Variants in PRDM4 observed in about 807,000 individuals in gnomAD.
The protein encoded by PRDM4 is PR domain zinc finger protein 4.
A neutral mutation model predicts 62.3 loss-of-function variants in PRDM4; 38 were observed. The observed-to-expected ratio is 0.61, with a 90% CI of 0.47 to 0.80. PRDM4 has a LOEUF of 0.80. Ranked by LOEUF, PRDM4 falls within the 30% of genes least tolerant of loss-of-function variation. The probability of loss-of-function intolerance (pLI) is 0.00; values close to 1 mark genes in which losing one functional copy is unlikely to be tolerated. For synonymous variants in PRDM4, 339 were observed against 348.2 expected (o/e 0.97, Z 0.30); for missense variants, 858 against 997.1 (o/e 0.86, Z 1.88).
chr12:107,754,463 A>G (rs1346996019), intron 3 of PRDM4, among the ~76,000 whole-genome samples: 2 of 152,090 alleles, frequency 1.3e-5, no homozygotes, highest in East Asian at 1.9e-4. Context: ...GCTCACTGCA[A>G]TCTCGGCCTC....
At chr12:107,734,799 A>T (rs1890275064) in intron 11 of PRDM4, among the ~76,000 whole-genome samples, 1 of 152,168 alleles carries the variant, frequency 6.6e-6, no homozygotes, top group Admixed American at 6.5e-5. Context: ...TATGATGCTC[A>T]TAAAATTCAT....
intron 7 of PRDM4, 80 bp downstream of exon 7, chr12:107,744,463 T>C (rs1890623834): frequency 2.0e-6 from 3 of 1,515,318 alleles, no homozygotes; most frequent in Non-Finnish European, 2.7e-6. Flanking sequence ...CTGGCTGATT[T>C]TGACTTTATC....
rs985733397 is a variant in PRDM4, at chr12:107,739,466, C to T, written c.2010G>A (p.Gly670=). The change falls in exon 11 of 12, where the codon GGG becomes GGA. Residue 670 remains glycine, a synonymous_variant. Coordinates refer to ENST00000228437, the MANE Select transcript of PRDM4 (RefSeq NM_012406.4). Reference sequence around the variant, plus strand: ...AGTAATCACACTTAAGATTCTTCTCCCCAGTGTGGATAACCATGTGGGACT... The same window carrying T: ...AGTAATCACACTTAAGATTCTTCTCTCCAGTGTGGATAACCATGTGGGACT... The part of the protein sequence containing the change: ...HLESHMVIHT[G]EKNLKCDYCD... The T allele has an allele frequency of 1.9e-6, 3 of 1,613,938 alleles. No homozygotes were observed. Among genetic ancestry groups the T allele is most frequent in the African/African-American group, 1.3e-5 (1 of 75,042 alleles).
intron 7 of PRDM4, among the ~76,000 whole-genome samples, chr12:107,743,668 G>A (rs1383125154): frequency 6.6e-6 from 1 of 152,088 alleles, no homozygotes; most frequent in Non-Finnish European, 1.5e-5. Context: ...TCCCACTTGG[G>A]CCTAGCATTC....
chr12:107,737,184 G>A (rs1566091433), intron 11 of PRDM4, among the ~76,000 whole-genome samples: 1 of 151,988 alleles, frequency 6.6e-6, no homozygotes, highest in African/African-American at 2.4e-5. Flanking sequence ...ACTCTCGGGG[G>A]ACACTAGGGG....
At chr12:107,756,680 T>A (rs918387756) in intron 3 of PRDM4, 152 bp downstream of exon 3, 3 of 898,472 alleles carry the variant, frequency 3.3e-6, no homozygotes, top group Non-Finnish European at 4.8e-6. Flanking sequence ...TTATTTTCCA[T>A]TACCTATCAC....
In PRDM4 at chr12:107,738,477, G is replaced by A. The variant is rs369048842; in HGVS notation, c.2093+906C>T. The A allele has an allele frequency of 9.9e-5, 15 of 152,248 alleles. No homozygotes were observed. In the East Asian group the frequency reaches 1.7e-3, roughly 18 times the overall value. The allele number at this position is 152,248 out of a possible 1,614,324, so 9.4% of individuals were successfully genotyped here. ...CCAAATTCTACATTAAGAATATAAC[G>A]TTTTCAGTGAAGGTAAGATTTCTAA... is the stretch of plus-strand genomic sequence containing the variant. On this transcript the variant is annotated intron_variant, in intron 11 of 11. Transcript: ENST00000228437.
chr12:107,748,749 CAGT>C (rs952511787), intron 5 of PRDM4, among the ~76,000 whole-genome samples: 26 of 152,262 alleles, frequency 1.7e-4, no homozygotes, highest in Admixed American at 1.1e-3. Context: ...TGGAAGGAGA[CAGT>C]GGTGGTGGTT....
In PRDM4 at chr12:107,760,625, C is replaced by T; in HGVS notation, c.-110G>A. On this transcript the variant is annotated 5_prime_UTR_variant, in exon 2 of 12. The change creates a new upstream start codon in the 5' untranslated region. Transcript: ENST00000228437. ...CCACATCTTGCTCACAACCGCTGCA[C>T]CGACGCGGCCACTCGTCCCCGGGGT... 7.2e-7 allele frequency: 1 copy of T among 1,380,646 alleles called. No individual in the cohort carries two copies. Among genetic ancestry groups the T allele is most frequent in the East Asian group, 2.6e-5 (1 of 38,124 alleles). 85.5% of individuals were successfully genotyped at this position (1,380,646 alleles called of 1,614,324 possible).
chr12:107,734,186 C>G lies in PRDM4; in HGVS notation c.*24G>C. On this transcript the variant is annotated 3_prime_UTR_variant, in exon 12 of 12. Transcript: ENST00000228437. The stretch of plus-strand genomic sequence containing the variant: ...GTATTTTTCCATTTGCATTTTCATC[C>G]AAAATTGCTTGTTTCTTTTCCTTTT... The G allele has an allele frequency of 1.3e-6, 2 of 1,559,916 alleles. No homozygotes were observed. Among genetic ancestry groups the G allele is most frequent in the Admixed American group, 4.1e-5 (2 of 48,584 alleles).
chr12:107,734,582 A>G, intron 11 of PRDM4, 60 bp from the exon 12 acceptor site: 2 of 1,494,784 alleles, frequency 1.3e-6, no homozygotes, highest in Non-Finnish European at 1.8e-6. Flanking sequence ...CTGAGGCAAC[A>G]CTTATTCTTC....
chr12:107,751,412 C>T lies in PRDM4; in HGVS notation c.1126+3G>A, dbSNP rs776772336. ...CCAAAAAAGAAAGGCTAAACACACT[C>T]ACAAATTGTAAACAAGGTTGCCATG... On this transcript the variant is annotated splice_donor_region_variant and intron_variant, in intron 5 of 11. Coordinates refer to ENST00000228437, the MANE Select transcript of PRDM4 (RefSeq NM_012406.4). 2 of 1,600,634 alleles carry T rather than the reference C, an allele frequency of 1.2e-6. No individual in the cohort carries two copies. The highest frequency in any genetic ancestry group is 1.7e-6 in the Non-Finnish European group (2 of 1,168,788).
Position 107,756,906 on chromosome 12 carries a change from C to T in PRDM4, c.71G>A (p.Ser24Asn). 1.9e-6 allele frequency: 3 copies of T among 1,614,178 alleles called. No homozygotes were observed. Among genetic ancestry groups the T allele is most frequent in the Non-Finnish European group, 2.5e-6 (3 of 1,180,032 alleles). Residue 24 changes from serine to asparagine, a missense_variant, in exon 3 of 12, where the codon AGC becomes AAC. Ser to Asn is a conservative substitution (Grantham distance 46). This residue lies in a region of PRDM4 where 499 missense variants were observed against 546.7 expected (regional missense o/e 0.91). Coordinates refer to ENST00000228437, the MANE Select transcript of PRDM4 (RefSeq NM_012406.4). ...GMEQLTSSSVSNALPVSGSHL... is the reference protein window; with the variant it reads ...GMEQLTSSSVNNALPVSGSHL... Reference sequence around the variant, plus strand: ...ACTTCCTGAGACTGGCAAGGCATTGCTCACAGAGGATGAAGTCAGCTGCTC... The same window carrying T: ...ACTTCCTGAGACTGGCAAGGCATTGTTCACAGAGGATGAAGTCAGCTGCTC...
intron 4 of PRDM4, 33 bp from the exon 5 acceptor site, chr12:107,752,242 T>C (rs747492349): frequency 4.3e-5 from 62 of 1,458,234 alleles, no homozygotes; most frequent in Non-Finnish European, 5.8e-5. Flanking sequence ...TATCAGAGAC[T>C]TTTAGTACAT....
chr12:107,745,333 G>A (rs998943082), intron 6 of PRDM4, among the ~76,000 whole-genome samples: 1 of 152,148 alleles, frequency 6.6e-6, no homozygotes, highest in African/African-American at 2.4e-5. Context: ...GGGAGGCCAA[G>A]GCAGGACTGC....
chr12:107,759,715 C>T (rs909308425), intron 2 of PRDM4: 4 of 152,208 alleles, frequency 2.6e-5, no homozygotes, highest in Non-Finnish European at 5.9e-5. Context: ...ATATGATCCT[C>T]ATAAGACTTT....
chr12:107,743,051 G>T, intron 8 of PRDM4, 146 bp downstream of exon 8: 1 of 658,918 alleles, frequency 1.5e-6, no homozygotes, highest in African/African-American at 1.8e-5. Flanking sequence ...AAAGGTGTGA[G>T]CCACCATGCC....
intron 4 of PRDM4, 118 bp downstream of exon 4, chr12:107,753,806 A>G: frequency 6.4e-6 from 6 of 937,770 alleles, no homozygotes; most frequent in Non-Finnish European, 9.1e-6. Flanking sequence ...TTTCCTGCCT[A>G]GAGATTAATA....
chr12:107,735,360 G>C (rs979117367), intron 11 of PRDM4, among the ~76,000 whole-genome samples: 1 of 152,024 alleles, frequency 6.6e-6, no homozygotes, highest in East Asian at 1.9e-4. Context: ...ATTCTCAACT[G>C]GAAGACTCAA....
Sources: allele counts gnomAD v4.1 joint callset (sites outside exome capture counted in the v4.1 genomes callset), GRCh38; gene constraint gnomAD v4.1.1; regional missense constraint gnomAD v4.1.1; transcripts MANE v1.5; gene names NCBI Gene and HGNC (gene_info 2026-07-23, HGNC 2026-07-21).